Variants in NTRK1 observed in about 807,000 individuals in gnomAD.
The protein encoded by NTRK1 is neurotrophic receptor tyrosine kinase 1, also known as high affinity nerve growth factor receptor.
Under a neutral mutation model 86.8 loss-of-function variants are expected in NTRK1, and 62 were observed. The observed-to-expected ratio is 0.71, with a 90% CI of 0.58 to 0.88. NTRK1 has a LOEUF of 0.88. NTRK1 is among the 40% of genes least tolerant of loss of function. NTRK1 has a pLI of 0.00. For missense variants in NTRK1, 967 were observed against 1,078.4 expected (o/e 0.90, Z 1.45); for synonymous variants, 469 against 456.6 (o/e 1.03, Z -0.35).
chr1:156,839,747 G>A (rs146813261), intron 1 of NTRK1, among the ~76,000 whole-genome samples: 1 of 152,116 alleles, frequency 6.6e-6, no homozygotes, highest in Non-Finnish European at 1.5e-5. Flanking sequence ...CCGATATAAC[G>A]AACATAACAA....
At chr1:156,842,104 C>T (rs145596747) in exon 2 of NTRK1, 5 of 1,613,854 alleles carry the variant, frequency 3.1e-6, no homozygotes, top group Non-Finnish European at 3.4e-6. Flanking sequence ...GCCTGGCACC[C>T]TCTGTACCCC....
At chr1:156,829,870 C>T (rs570144432) in intron 1 of NTRK1, among the ~76,000 whole-genome samples, 58 of 152,318 alleles carry the variant, frequency 3.8e-4, no homozygotes, top group African/African-American at 1.3e-3. Context: ...CCAGGCTGGT[C>T]TTGAACTCCT....
At position 156,879,365 on chromosome 1, in the gene NTRK1, A is replaced by C. The variant is rs914061514; in HGVS notation, c.2046+3A>C. The C allele has an allele frequency of 1.3e-6, 2 of 1,597,526 alleles. No homozygotes were observed. The highest frequency in any genetic ancestry group is 3.3e-5 in the Admixed American group (2 of 59,910). On this transcript the variant is annotated splice_donor_region_variant and intron_variant, in intron 15 of 16. Coordinates refer to ENST00000524377, the MANE Select transcript of NTRK1 (RefSeq NM_002529.4). ...TCTACAGCACCGACTATTACCGTGTAAGGGTCCTTTGTCCCCAACGCCTTC... is the reference window on the plus strand; with the variant it reads ...TCTACAGCACCGACTATTACCGTGTCAGGGTCCTTTGTCCCCAACGCCTTC...
chr1:156,846,632 T>C, intron 2 of NTRK1: 1 of 1,613,964 alleles, frequency 6.2e-7, no homozygotes, highest in Non-Finnish European at 8.5e-7. Context: ...TGTCCAAGGC[T>C]TGAGGGAGGC....
At chr1:156,831,686 C>A (rs1273283764) in intron 1 of NTRK1, among the ~76,000 whole-genome samples, 3 of 152,112 alleles carry the variant, frequency 2.0e-5, no homozygotes, top group Non-Finnish European at 2.9e-5. Context: ...CCCTAGAGAA[C>A]CCAAGGAGGC....
rs1647704858 is a variant in NTRK1, at chr1:156,873,699, A to T, written c.917A>T (p.Asp306Val). ...CACTGGTGCATCCCCTTCTCTGTGG[A>T]TGGGCAGCCGGCACCGTCTCTGCGC... ...MHHWCIPFSV[D>V]GQPAPSLRWL... The change falls in exon 8 of 17, where the codon GAT becomes GTT. Residue 306 changes from aspartate (D) to valine (V), a missense_variant. Asp to Val is a radical substitution (Grantham distance 152). Coordinates refer to ENST00000524377, the MANE Select transcript of NTRK1 (RefSeq NM_002529.4). 1 of 1,611,384 alleles carries T rather than the reference A, an allele frequency of 6.2e-7. No homozygotes were observed. The highest frequency in any genetic ancestry group is 8.5e-7 in the Non-Finnish European group (1 of 1,179,398).
At chr1:156,859,597 T>A (rs1655534995), upstream of NTRK1, among the ~76,000 whole-genome samples, 1 of 152,132 alleles carries the variant, frequency 6.6e-6, no homozygotes, top group Non-Finnish European at 1.5e-5. This position sits in a 1 kb window ranked among gnomAD's most constrained non-coding sequence, Gnocchi z 6.2. Flanking sequence ...CCAGGCTCCG[T>A]CACCGCCTAG....
chr1:156,842,523 G>A, intron 2 of NTRK1: 1 of 1,600,338 alleles, frequency 6.2e-7, no homozygotes, highest in Non-Finnish European at 8.6e-7. Context: ...GACAGACAAA[G>A]GGCCTAGCAG....
At chr1:156,842,593 G>C in intron 2 of NTRK1, 5 of 984,992 alleles carry the variant, frequency 5.1e-6, no homozygotes, top group South Asian at 2.7e-5. Flanking sequence ...ACCACAGTCT[G>C]ACTCAGACAC....
Position 156,845,263 on chromosome 1 carries a change from G to A in NTRK1, c.50+3070G>A, listed in dbSNP as rs141332542. 7.0e-4 allele frequency: 1,129 copies of A among 1,612,062 alleles called. 1 individual carries two copies. The highest frequency in any genetic ancestry group is 9.0e-4 in the Non-Finnish European group (1,065 of 1,179,204). On this transcript the variant is annotated intron_variant, in intron 2 of 16. Coordinates refer to the NTRK1 transcript ENST00000392302. ...CCGAGCTGTTGCCCCCCAGCCGGAG[G>A]GGCCCAGCTGCCCGGCGGTGCCGCC...
intron 6 of NTRK1, among the ~76,000 whole-genome samples, chr1:156,869,164 C>T (rs530099774): frequency 1.8e-4 from 27 of 152,040 alleles, no homozygotes; most frequent in Middle Eastern, 3.4e-3. Flanking sequence ...CTCCGCCTCT[C>T]GGGTTCAAGC....
At chr1:156,842,901 C>A in intron 2 of NTRK1, 1 of 903,720 alleles carries the variant, frequency 1.1e-6, no homozygotes, top group Non-Finnish European at 1.7e-6. Context: ...TGGTCCCAAT[C>A]TTGACCTTAA....
chr1:156,874,304 G>C (rs1173951141), intron 8 of NTRK1, 79 bp from the exon 9 acceptor site: 53 of 1,599,226 alleles, frequency 3.3e-5, no homozygotes, highest in East Asian at 6.7e-5. Context: ...GAGTAGGCAG[G>C]GGACTCACTG....
At chr1:156,829,705 T>C (rs1447800936) in intron 1 of NTRK1, among the ~76,000 whole-genome samples, 4 of 152,242 alleles carry the variant, frequency 2.6e-5, no homozygotes, top group African/African-American at 9.6e-5. Context: ...CAGGCTGGAG[T>C]GCAGTGGCAC....
rs745962645 is a variant in NTRK1, at chr1:156,842,311, A to G, written c.50+118A>G. On this transcript the variant is annotated intron_variant, in intron 2 of 16. Coordinates refer to the NTRK1 transcript ENST00000392302. ...GGGGGCTGGTGAGGAAGGAACCCAG[A>G]GGCTGGTCTCCTGTCCAGAACTGGC... 2.5e-6 allele frequency: 4 copies of G among 1,613,544 alleles called. No homozygotes were observed. In the Admixed American group the frequency reaches 6.7e-5, roughly 27 times the overall value.
chr1:156,844,222 C>A, intron 2 of NTRK1: 3 of 1,613,928 alleles, frequency 1.9e-6, no homozygotes, highest in Non-Finnish European at 2.5e-6. Flanking sequence ...CGATGAGCAG[C>A]GTGAGCCCCA....
chr1:156,860,910 C>T lies in NTRK1; in HGVS notation c.-25C>T, dbSNP rs1267102939. 7.0e-5 allele frequency: 100 copies of T among 1,434,016 alleles called. No individual in the cohort carries two copies. Among genetic ancestry groups the T allele is most frequent in the Non-Finnish European group, 9.0e-5 (99 of 1,105,572 alleles). The allele number at this position is 1,434,016 out of a possible 1,614,324, so 88.8% of individuals were successfully genotyped here. Reference sequence around the variant, plus strand: ...TGGGAGCGCACAGACGGCTGCCCCGCCTGAGCGAGGCGGGCGCCGCCGCGA... The same window carrying T: ...TGGGAGCGCACAGACGGCTGCCCCGTCTGAGCGAGGCGGGCGCCGCCGCGA... On this transcript the variant is annotated 5_prime_UTR_variant, in exon 1 of 17. Transcript: ENST00000524377.
chr1:156,854,110 G>C lies in NTRK1; in HGVS notation c.51-10244G>C. 2 of 1,614,132 alleles carry C rather than the reference G, an allele frequency of 1.2e-6. No homozygotes were observed. Among genetic ancestry groups the C allele is most frequent in the Non-Finnish European group, 1.7e-6 (2 of 1,180,042 alleles). On this transcript the variant is annotated intron_variant, in intron 2 of 16. Transcript: ENST00000392302. The surrounding 1 kb of genome is among the most constrained non-coding windows in gnomAD (Gnocchi z 4.2). The stretch of plus-strand genomic sequence containing the variant: ...CTAGGTTGGGGAAGAGGTCGCGCAG[G>C]CTCTCCAGTCCGTAGACACGGAAGA...
chr1:156,849,332 A>C (rs761962648), intron 2 of NTRK1: 8 of 1,613,510 alleles, frequency 5.0e-6, no homozygotes, highest in Non-Finnish European at 5.9e-6. Context: ...CAGTCGGTAG[A>C]TGTGTTCCAA....
Sources: allele counts gnomAD v4.1 joint callset (sites outside exome capture counted in the v4.1 genomes callset), GRCh38; gene constraint gnomAD v4.1.1; non-coding constraint Gnocchi (gnomAD v3.1); transcripts MANE v1.5; gene names NCBI Gene and HGNC (gene_info 2026-07-23, HGNC 2026-07-21).